PDZRN4: variants seen among roughly 807,000 people sequenced by gnomAD.
PDZRN4 encodes PDZ domain containing ring finger 4.
PDZRN4 carries 70 observed loss-of-function variants against 99.0 expected under a neutral mutation model. The ratio of observed to expected loss-of-function variants is 0.71; its 90% CI spans 0.58 to 0.86. PDZRN4 has a LOEUF of 0.86. Ranked by LOEUF, PDZRN4 falls within the 40% of genes least tolerant of loss-of-function variation. PDZRN4 has a pLI of 0.00. For missense variants in PDZRN4, 1,474 were observed against 1,331.2 expected (o/e 1.11, Z -1.67); for synonymous variants, 551 against 501.6 (o/e 1.10, Z -1.32).
chr12:41,238,943 C>T (rs1426874350), intron 3 of PDZRN4, among the ~76,000 whole-genome samples: 2 of 152,024 alleles, frequency 1.3e-5, no homozygotes, highest in Non-Finnish European at 2.9e-5. Flanking sequence ...ACCATTTGAC[C>T]CAGCAATCCT....
intron 3 of PDZRN4, among the ~76,000 whole-genome samples, chr12:41,258,170 A>G (rs1951215773): frequency 6.6e-6 from 1 of 152,190 alleles, no homozygotes; most frequent in African/African-American, 2.4e-5. Flanking sequence ...ATACTGGACC[A>G]GTTGGTGTGC....
chr12:41,455,523 C>G (rs1952810793), intron 3 of PDZRN4, among the ~76,000 whole-genome samples: 1 of 152,048 alleles, frequency 6.6e-6, no homozygotes, highest in South Asian at 2.1e-4. Flanking sequence ...AAAATCAGTT[C>G]CCCTTTCAAC....
At chr12:41,495,207 C>A (rs1937973836) in intron 3 of PDZRN4, among the ~76,000 whole-genome samples, 1 of 151,796 alleles carries the variant, frequency 6.6e-6, no homozygotes, top group African/African-American at 2.4e-5. Context: ...GAACAGTTAC[C>A]CAATTGGCTA....
At chr12:41,235,001 C>T (rs1036306344) in intron 3 of PDZRN4, among the ~76,000 whole-genome samples, 1 of 152,026 alleles carries the variant, frequency 6.6e-6, no homozygotes, top group African/African-American at 2.4e-5. Context: ...TAACCTACAC[C>T]GGAAGGGGTT....
chr12:41,334,276 GTT>G (rs932591226), intron 3 of PDZRN4, among the ~76,000 whole-genome samples: 5 of 150,732 alleles, frequency 3.3e-5, no homozygotes, highest in Admixed American at 1.3e-4. Flanking sequence ...TCTTTTTGGT[GTT>G]TTTGTTTAGT....
intron 8 of PDZRN4, among the ~76,000 whole-genome samples, chr12:41,564,231 T>A (rs1042076330): frequency 2.6e-5 from 4 of 152,224 alleles, no homozygotes; most frequent in Non-Finnish European, 4.4e-5. Context: ...CCATGTATAG[T>A]AAATGAATTG....
At chr12:41,408,182 G>A (rs1952363426) in intron 3 of PDZRN4, among the ~76,000 whole-genome samples, 1 of 152,196 alleles carries the variant, frequency 6.6e-6, no homozygotes, top group Admixed American at 6.5e-5. Flanking sequence ...CCAAGAAAGT[G>A]AGTAGGAGAG....
chr12:41,445,110 C>T (rs1952713385), intron 3 of PDZRN4, among the ~76,000 whole-genome samples: 1 of 152,006 alleles, frequency 6.6e-6, no homozygotes, highest in East Asian at 1.9e-4. Flanking sequence ...TTTCTAATTG[C>T]ATATCTATTT....
intron 3 of PDZRN4, among the ~76,000 whole-genome samples, chr12:41,387,693 T>A (rs1952182244): frequency 1.3e-5 from 2 of 152,250 alleles, no homozygotes; most frequent in African/African-American, 2.4e-5. Context: ...ACATCACTGA[T>A]CATTAGAGAA....
At chr12:41,351,059 T>A (rs191673458) in intron 3 of PDZRN4, among the ~76,000 whole-genome samples, 1 of 152,154 alleles carries the variant, frequency 6.6e-6, no homozygotes, top group African/African-American at 2.4e-5. Context: ...TTTTGGGTTA[T>A]GGACACTATT....
chr12:41,305,921 G>T (rs1227596596), intron 3 of PDZRN4, among the ~76,000 whole-genome samples: 1 of 152,086 alleles, frequency 6.6e-6, no homozygotes, highest in Non-Finnish European at 1.5e-5. Flanking sequence ...GAGGCTCAAG[G>T]TACAATTCCT....
chr12:41,256,046 G>A (rs889341888), intron 3 of PDZRN4, among the ~76,000 whole-genome samples: 23 of 152,080 alleles, frequency 1.5e-4, no homozygotes, highest in African/African-American at 5.6e-4. Flanking sequence ...GGCTCTTGAG[G>A]ATTCACATTC....
intron 6 of PDZRN4, among the ~76,000 whole-genome samples, chr12:41,553,117 G>C (rs1565613288): frequency 6.6e-6 from 1 of 152,128 alleles, no homozygotes; most frequent in East Asian, 1.9e-4. Context: ...TCTATTAACA[G>C]TAGCACTGGC....
chr12:41,377,058 C>A (rs565948586), intron 3 of PDZRN4, among the ~76,000 whole-genome samples: 3 of 152,186 alleles, frequency 2.0e-5, no homozygotes, highest in Admixed American at 2.0e-4. Context: ...GTTTATTTTT[C>A]AGCTCTTCTT....
At chr12:41,244,304 A>C (rs2120790158) in intron 3 of PDZRN4, among the ~76,000 whole-genome samples, 1 of 152,194 alleles carries the variant, frequency 6.6e-6, no homozygotes, top group Middle Eastern at 3.4e-3. Context: ...AGAATATTTC[A>C]ATACCTTCTA....
intron 3 of PDZRN4, among the ~76,000 whole-genome samples, chr12:41,255,995 T>C (rs1167885873): frequency 6.6e-6 from 1 of 152,098 alleles, no homozygotes; most frequent in African/African-American, 2.4e-5. Context: ...GGGATCAAAT[T>C]TCAACATAAG....
At chr12:41,322,359 C>A (rs146301687) in intron 3 of PDZRN4, among the ~76,000 whole-genome samples, 5 of 151,960 alleles carry the variant, frequency 3.3e-5, no homozygotes, top group African/African-American at 9.7e-5. Flanking sequence ...TTTGAGGATT[C>A]CTACTGAGTA....
At position 41,572,969 on chromosome 12, in the gene PDZRN4, G is replaced by A. The variant is rs113916113; in HGVS notation, c.2190G>A (p.Lys730=). 0.011 allele frequency: 17,310 copies of A among 1,614,146 alleles called. 153 individuals carry two copies. The highest frequency in any genetic ancestry group is 0.013 in the Non-Finnish European group (15,805 of 1,180,002). The change falls in exon 10 of 10, where the codon AAG becomes AAA. Residue 730 remains lysine (K), a synonymous_variant. Coordinates refer to ENST00000402685, the MANE Select transcript of PDZRN4 (RefSeq NM_001164595.2). ...KLDDIMEHPE[K]SDKDSSSAYN... ...ATGACATCATGGAGCATCCAGAAAA[G>A]TCTGACAAGGACAGTTCTAGTGCTT...
intron 3 of PDZRN4, among the ~76,000 whole-genome samples, chr12:41,433,345 G>A (rs549105745): frequency 6.6e-6 from 1 of 152,286 alleles, no homozygotes; most frequent in East Asian, 1.9e-4. Context: ...TTGGAAAACT[G>A]AGTTCAGATG....
Sources: allele counts gnomAD v4.1 joint callset (sites outside exome capture counted in the v4.1 genomes callset), GRCh38; gene constraint gnomAD v4.1.1; transcripts MANE v1.5; gene names NCBI Gene and HGNC (gene_info 2026-07-23, HGNC 2026-07-21).